SCNN1A: variants seen among roughly 807,000 people sequenced by gnomAD.
SCNN1A encodes the protein epithelial sodium channel subunit alpha.
Under a neutral mutation model 68.6 loss-of-function variants are expected in SCNN1A, and 65 were observed. The observed-to-expected ratio is 0.95, with a 90% confidence interval of 0.78 to 1.16. The LOEUF (loss-of-function observed/expected upper bound fraction) is 1.16. Ranked by LOEUF, SCNN1A falls within the 50% of genes most tolerant of loss-of-function variation. SCNN1A has a pLI of 0.00. For missense variants in SCNN1A, 880 were observed against 865.9 expected (o/e 1.02, Z -0.20); for synonymous variants, 357 against 353.3 (o/e 1.01, Z -0.12).
chr12:6,363,526 G>T lies in SCNN1A; in HGVS notation c.601C>A (p.Arg201Ser), dbSNP rs752626882. 3 of 1,609,700 alleles carry T rather than the reference G, an allele frequency of 1.9e-6. No homozygotes were observed. The highest frequency in any genetic ancestry group is 2.2e-5 in the South Asian group (2 of 90,638). ...CTGGAGGCCACGCTACGGGCTCGAC[G>T]GGCCCCGTGAGGCGGGGGCGGGACC... The part of the protein sequence containing the change: ...LRVPPPPHGA[R>S]RARSVASSLR... The change falls in exon 3 of 13, where the codon CGT becomes AGT. Residue 201 changes from arginine (R) to serine (S), a missense_variant. Transcript: ENST00000228916.
chr12:6,375,519 G>T lies in SCNN1A; in HGVS notation c.-69C>A, dbSNP rs545108113. The T allele has an allele frequency of 6.5e-7, 1 of 1,535,360 alleles. No homozygotes were observed. Among genetic ancestry groups the T allele is most frequent in the Non-Finnish European group, 8.7e-7 (1 of 1,146,744 alleles). ...CTCCCCCTCACCTGACAGGTGCAGCGGCCTGGCTGGGGAGCCCGCCCGCTG... is the reference window on the plus strand; with the variant it reads ...CTCCCCCTCACCTGACAGGTGCAGCTGCCTGGCTGGGGAGCCCGCCCGCTG... On this transcript the variant is annotated 5_prime_UTR_variant, in exon 1 of 13. Coordinates refer to ENST00000228916, the MANE Select transcript of SCNN1A (RefSeq NM_001038.6).
intron 4 of SCNN1A, among the ~76,000 whole-genome samples, chr12:6,359,764 CTTTTT>C (rs59652159): frequency 6.2e-4 from 48 of 76,948 alleles, no homozygotes; most frequent in African/African-American, 2.5e-3. Context: ...TCAGATATTC[CTTTTT>C]TTTTTTTTTT....
chr12:6,357,668 A>G (rs1489058403), intron 4 of SCNN1A, among the ~76,000 whole-genome samples: 1 of 152,240 alleles, frequency 6.6e-6, no homozygotes, highest in Non-Finnish European at 1.5e-5. Flanking sequence ...ACATTACTAT[A>G]GTGGCCTATG....
chr12:6,366,045 G>A (rs1436972340), intron 2 of SCNN1A, among the ~76,000 whole-genome samples: 1 of 151,884 alleles, frequency 6.6e-6, no homozygotes, highest in African/African-American at 2.4e-5. Context: ...TAGTAGAGAC[G>A]GGGTTTCACC....
chr12:6,375,896 G>A (rs1948898596), upstream of SCNN1A: 1 of 1,238,130 alleles, frequency 8.1e-7, no homozygotes, highest in Non-Finnish European at 1.0e-6. Flanking sequence ...GAAAGAGGGA[G>A]ACAATAGAGA....
At chr12:6,349,557 G>A (rs969747907) in intron 8 of SCNN1A, 152 bp from the exon 9 acceptor site, 15 of 697,030 alleles carry the variant, frequency 2.2e-5, no homozygotes, top group South Asian at 9.0e-5. Context: ...ACCAAGAAGC[G>A]TTTAAGAAAT....
chr12:6,369,437 A>C (rs1383817579), intron 2 of SCNN1A, among the ~76,000 whole-genome samples: 2 of 151,632 alleles, frequency 1.3e-5, no homozygotes, highest in Admixed American at 6.6e-5. Context: ...CCTTGATCCC[A>C]CACACACAAA....
rs900822381 is a variant in SCNN1A at position 6,372,123 on chromosome 12, C to A, written c.416+2245G>T. ...CCTCCCAAAGTGCTGGGATTACAGGCGTGAGGCACCATGCCCAGCGGTTAT... is the reference window on the plus strand; with the variant it reads ...CCTCCCAAAGTGCTGGGATTACAGGAGTGAGGCACCATGCCCAGCGGTTAT... On this transcript the variant is annotated intron_variant, in intron 2 of 12. Coordinates refer to ENST00000228916, the MANE Select transcript of SCNN1A (RefSeq NM_001038.6). This position sits in a 1 kb window ranked among gnomAD's most constrained non-coding sequence, Gnocchi z 5.8. 6.6e-6 allele frequency among the ~76,000 whole-genome samples: 1 copy of A among 152,198 alleles called. No individual in the cohort carries two copies. The highest frequency in any genetic ancestry group is 1.5e-5 in the Non-Finnish European group (1 of 68,036).
Position 6,371,582 on chromosome 12 carries a change from G to A in SCNN1A, c.416+2786C>T, listed in dbSNP as rs1592085114. ...TGGGGGTGGGGGTGGGGCGGGGGGCGGGGGATGATTTTTGAGTCCCAGTTT... is the reference window on the plus strand; with the variant it reads ...TGGGGGTGGGGGTGGGGCGGGGGGCAGGGGATGATTTTTGAGTCCCAGTTT... On this transcript the variant is annotated intron_variant, in intron 2 of 12. Transcript: ENST00000228916. Among the ~76,000 whole-genome samples, 5 of 124,960 alleles carry A rather than the reference G, an allele frequency of 4.0e-5. No individual in the cohort carries two copies. In the South Asian group the frequency reaches 1.3e-3, roughly 32 times the overall value. 82.0% of individuals were successfully genotyped at this position (124,960 alleles called of 152,430 possible).
chr12:6,367,425 G>T (rs7972942), intron 2 of SCNN1A, among the ~76,000 whole-genome samples: 61,506 of 151,958 alleles, frequency 0.4, 12,657 homozygotes, highest in Admixed American at 0.52. Context: ...ACCAGAATAG[G>T]CTCATCAAAA....
At chr12:6,362,017 G>A (rs375313072) in intron 4 of SCNN1A, 34 bp downstream of exon 4, 20 of 1,610,266 alleles carry the variant, frequency 1.2e-5, no homozygotes, top group African/African-American at 9.3e-5. Context: ...AGCGGACCCC[G>A]CGGAGAGCAA....
intron 2 of SCNN1A, chr12:6,364,110 G>A: frequency 6.1e-6 from 1 of 164,732 alleles, no homozygotes; most frequent in Non-Finnish European, 1.3e-5. Context: ...CCTGATCCCC[G>A]CAGGCGAGTG....
intron 2 of SCNN1A, among the ~76,000 whole-genome samples, chr12:6,370,283 T>C (rs1948766043): frequency 6.6e-6 from 1 of 152,220 alleles, no homozygotes; most frequent in Non-Finnish European, 1.5e-5. Flanking sequence ...GCCTGTTCAC[T>C]CCACGGCCCC....
chr12:6,368,087 A>T (rs955910955), intron 2 of SCNN1A, among the ~76,000 whole-genome samples: 4 of 152,236 alleles, frequency 2.6e-5, no homozygotes, highest in Non-Finnish European at 4.4e-5. Flanking sequence ...TCGAGCACTT[A>T]TTATGAGCCA....
At chr12:6,354,627 A>G (rs1211530906) in intron 7 of SCNN1A, 72 bp from the exon 8 acceptor site, 1 of 1,416,256 alleles carries the variant, frequency 7.1e-7, no homozygotes, top group East Asian at 2.3e-5. Flanking sequence ...CAGAGCCTCC[A>G]TCCTCTTTCC....
intron 4 of SCNN1A, among the ~76,000 whole-genome samples, chr12:6,360,644 T>C (rs961464673): frequency 1.3e-5 from 2 of 152,230 alleles, no homozygotes; most frequent in South Asian, 4.1e-4. Flanking sequence ...CACCTTGCCC[T>C]GTGGCCATTC....
intron 2 of SCNN1A, among the ~76,000 whole-genome samples, chr12:6,368,008 G>A (rs1478210036): frequency 1.3e-5 from 2 of 152,212 alleles, no homozygotes; most frequent in Non-Finnish European, 2.9e-5. Flanking sequence ...GGTTGAAGGT[G>A]TGTTTGGCAT....
chr12:6,366,949 T>C (rs774985925), intron 2 of SCNN1A, among the ~76,000 whole-genome samples: 24 of 152,068 alleles, frequency 1.6e-4, no homozygotes, highest in Non-Finnish European at 3.1e-4. Context: ...ATTAAAAGAA[T>C]GGTAATCTGC....
chr12:6,364,997 AT>A (rs1344379063), intron 2 of SCNN1A, among the ~76,000 whole-genome samples: 2 of 151,508 alleles, frequency 1.3e-5, no homozygotes, highest in Non-Finnish European at 2.9e-5. Context: ...ATATATATGG[AT>A]TCAACACAAT....
Sources: allele counts gnomAD v4.1 joint callset (sites outside exome capture counted in the v4.1 genomes callset), GRCh38; gene constraint gnomAD v4.1.1; non-coding constraint Gnocchi (gnomAD v3.1); transcripts MANE v1.5; gene names NCBI Gene and HGNC (gene_info 2026-07-23, HGNC 2026-07-21).